Variants in ABCB5 observed in about 807,000 individuals in gnomAD.
The protein encoded by ABCB5 is ATP binding cassette subfamily B member 5.
In ABCB5, 155 loss-of-function variants were observed where a neutral mutation model predicts 144.2. The ratio of observed to expected loss-of-function variants is 1.08; its 90% confidence interval spans 0.94 to 1.23. ABCB5 has a LOEUF of 1.23. Among genes scored for constraint, ABCB5 ranks in the 50% most tolerant of loss-of-function variants. The pLI, the probability that ABCB5 is intolerant of heterozygous loss-of-function variation, is 0.00. For synonymous variants in ABCB5, 610 were observed against 528.6 expected, an observed-to-expected ratio of 1.15 and a Z score of -2.11; for missense variants, 1,830 against 1,520.8, an observed-to-expected ratio of 1.20 and a Z score of -3.38.
chr7:20,725,600 T>C (rs1782010448), intron 21 of ABCB5, among the ~76,000 whole-genome samples: 1 of 152,100 alleles, frequency 6.6e-6, no homozygotes, highest in African/African-American at 2.4e-5. Flanking sequence ...AAAAAAGACT[T>C]TGAATAGCTT....
intron 14 of ABCB5, among the ~76,000 whole-genome samples, chr7:20,669,299 G>A (rs1303406502): frequency 2.7e-5 from 4 of 146,912 alleles, no homozygotes; most frequent in African/African-American, 1.0e-4. Flanking sequence ...GGAAGGGTGG[G>A]GAAAAAAATT....
intron 21 of ABCB5, 93 bp downstream of exon 21, chr7:20,723,312 T>G: frequency 4.7e-6 from 6 of 1,285,436 alleles, no homozygotes; most frequent in Non-Finnish European, 6.6e-6. Context: ...GTTAACCATC[T>G]TTATGATATA....
chr7:20,676,801 G>A (rs1437312631), intron 14 of ABCB5, among the ~76,000 whole-genome samples: 1 of 152,152 alleles, frequency 6.6e-6, no homozygotes, highest in South Asian at 2.1e-4. Flanking sequence ...AATAGAGGTA[G>A]TGTAATTTTC....
intron 26 of ABCB5, among the ~76,000 whole-genome samples, chr7:20,747,645 A>T (rs1255296057): frequency 1.3e-5 from 2 of 152,194 alleles, no homozygotes; most frequent in Non-Finnish European, 2.9e-5. Flanking sequence ...TGCTGCAAAA[A>T]TCCACTGTGC....
chr7:20,697,133 G>T (rs1473167585), intron 16 of ABCB5, among the ~76,000 whole-genome samples: 2 of 152,108 alleles, frequency 1.3e-5, no homozygotes, highest in Non-Finnish European at 2.9e-5. Context: ...CCTTTTTGAT[G>T]ATGAGCTTTA....
intron 16 of ABCB5, among the ~76,000 whole-genome samples, chr7:20,693,511 A>T: frequency 6.6e-6 from 1 of 152,198 alleles, no homozygotes; most frequent in East Asian, 1.9e-4. Context: ...GCACAAATCA[A>T]AGGAAAAATC....
intron 14 of ABCB5, among the ~76,000 whole-genome samples, chr7:20,665,820 T>C (rs1345080026): frequency 1.3e-5 from 2 of 150,708 alleles, no homozygotes; most frequent in South Asian, 2.1e-4. Context: ...GATATAGATA[T>C]ACAAGCTTCC....
chr7:20,716,084 A>G (rs1781666334), intron 20 of ABCB5, among the ~76,000 whole-genome samples: 1 of 152,200 alleles, frequency 6.6e-6, no homozygotes, highest in Non-Finnish European at 1.5e-5. Flanking sequence ...GGAATCAGGA[A>G]CTATATTATG....
At chr7:20,681,463 T>C in intron 14 of ABCB5, 42 bp from the exon 15 acceptor site, 1 of 1,603,960 alleles carries the variant, frequency 6.2e-7, no homozygotes, top group Non-Finnish European at 8.5e-7. Context: ...GGTTGTTATT[T>C]CTACTAATGT....
At chr7:20,620,555 C>A (rs762896214) in intron 1 of ABCB5, among the ~76,000 whole-genome samples, 9 of 150,826 alleles carry the variant, frequency 6.0e-5, no homozygotes, top group African/African-American at 2.0e-4. Context: ...TAAAAAAAAA[C>A]CAAAAACCTA....
At chr7:20,654,905 C>T (rs1372229993) in intron 13 of ABCB5, among the ~76,000 whole-genome samples, 1 of 151,966 alleles carries the variant, frequency 6.6e-6, no homozygotes, top group East Asian at 1.9e-4. Flanking sequence ...ACCTAATTTT[C>T]ACCTACAGAA....
chr7:20,622,543 C>T (rs1237385294), intron 1 of ABCB5, among the ~76,000 whole-genome samples: 1 of 152,034 alleles, frequency 6.6e-6, no homozygotes, highest in East Asian at 1.9e-4. Context: ...AAGTTTAAAG[C>T]CATATCTTTA....
At chr7:20,739,796 TACAA>T (rs1782504081) in intron 24 of ABCB5, among the ~76,000 whole-genome samples, 1 of 152,106 alleles carries the variant, frequency 6.6e-6, no homozygotes, top group Admixed American at 6.6e-5. Context: ...GAAATATATT[TACAA>T]ACAAAGGGGA....
At chr7:20,699,484 T>G (rs1381149186) in intron 17 of ABCB5, among the ~76,000 whole-genome samples, 2 of 152,148 alleles carry the variant, frequency 1.3e-5, no homozygotes, top group Admixed American at 1.3e-4. Context: ...CCGGATCACT[T>G]GAGGTCAAGA....
Position 20,658,614 on chromosome 7 carries a change from G to T in ABCB5, c.1645G>T (p.Asp549Tyr). ...LVRNPKILIL[D>Y]EATSALDSES... ...TCGAAACCCCAAGATTCTGATTTTA[G>T]ATGAGGCTACGTCTGCCCTGGATTC... is the stretch of plus-strand genomic sequence containing the variant. The change falls in exon 14 of 28, where the codon GAT (aspartate) becomes TAT (tyrosine). Residue 549 changes from aspartate to tyrosine, a missense_variant. By Grantham distance (160) the Asp-to-Tyr change is radical. Coordinates refer to ENST00000404938, the MANE Select transcript of ABCB5 (RefSeq NM_001163941.2). 6.2e-7 allele frequency: 1 copy of T among 1,614,200 alleles called. No homozygotes were observed. The highest frequency in any genetic ancestry group is 8.5e-7 in the Non-Finnish European group (1 of 1,180,024).
In ABCB5 at chr7:20,658,685, G is replaced by A; in HGVS notation, c.1707+9G>A. ...AAGCTGCACTGGAGAAGGTAAGTGAGCAGAAACGTTTCTTATTTCCATACT... is the reference window on the plus strand; with the variant it reads ...AAGCTGCACTGGAGAAGGTAAGTGAACAGAAACGTTTCTTATTTCCATACT... On this transcript the variant is annotated intron_variant, in intron 14 of 27. Transcript: ENST00000404938. 6.2e-7 allele frequency: 1 copy of A among 1,612,174 alleles called. No individual in the cohort carries two copies. The highest frequency in any genetic ancestry group is 8.5e-7 in the Non-Finnish European group (1 of 1,179,430).
intron 16 of ABCB5, among the ~76,000 whole-genome samples, chr7:20,687,470 G>C (rs144950300): frequency 6.6e-6 from 1 of 152,194 alleles, no homozygotes; most frequent in Admixed American, 6.5e-5. Flanking sequence ...ACCAGAACTA[G>C]AGCAAAAGCA....
At chr7:20,626,864 T>C (rs990345374) in intron 3 of ABCB5, among the ~76,000 whole-genome samples, 42 of 151,018 alleles carry the variant, frequency 2.8e-4, no homozygotes, top group African/African-American at 9.0e-4. Flanking sequence ...GGTGTGTGTG[T>C]GTGTGTGTGT....
chr7:20,652,497 G>T (rs1007704785), intron 13 of ABCB5, among the ~76,000 whole-genome samples: 3 of 152,222 alleles, frequency 2.0e-5, no homozygotes, highest in African/African-American at 7.2e-5. Flanking sequence ...TTGAACCTGG[G>T]AGGTGGAGAT....
Sources: allele counts gnomAD v4.1 joint callset (sites outside exome capture counted in the v4.1 genomes callset), GRCh38; gene constraint gnomAD v4.1.1; transcripts MANE v1.5; gene names NCBI Gene and HGNC (gene_info 2026-07-23, HGNC 2026-07-21).